The following TMEM39B variants were observed in gnomAD, a reference collection of about 807,000 sequenced individuals.
TMEM39B encodes the protein transmembrane protein 39B.
TMEM39B carries 23 observed loss-of-function variants against 52.2 expected under a neutral mutation model. The observed-to-expected ratio is 0.44, with a 90% confidence interval of 0.32 to 0.62. The LOEUF (loss-of-function observed/expected upper bound fraction) is 0.62, where lower values mean the gene tolerates loss of function less well. Ranked by LOEUF, TMEM39B falls within the 20% of genes least tolerant of loss-of-function variation. TMEM39B has a pLI of 0.06. For synonymous variants in TMEM39B, 285 were observed against 264.0 expected (o/e 1.08, Z -0.77); for missense variants, 547 against 642.0 (o/e 0.85, Z 1.60).
chr1:32,076,898 T>C (rs1639885959), intron 4 of TMEM39B, 52 bp downstream of exon 4: 1 of 1,585,398 alleles, frequency 6.3e-7, no homozygotes. Flanking sequence ...CCTTTTCCCC[T>C]GGGGATGCCA....
intron 1 of TMEM39B, 42 bp downstream of exon 1, chr1:32,073,093 G>T: frequency 6.9e-7 from 1 of 1,443,110 alleles, no homozygotes. Flanking sequence ...ACGAGCGGGC[G>T]CACGGGTTAG....
At chr1:32,074,195 C>T (rs1428951249) in intron 1 of TMEM39B, among the ~76,000 whole-genome samples, 2 of 152,156 alleles carry the variant, frequency 1.3e-5, no homozygotes, top group African/African-American at 2.4e-5. Context: ...ATCCTTGACC[C>T]TTTATTTAGG....
Position 32,075,652 on chromosome 1 carries a change from G to A in TMEM39B, c.181G>A (p.Val61Ile). The change falls in exon 3 of 9, where the codon GTT (valine) becomes ATT (isoleucine). Residue 61 changes from valine (V) to isoleucine (I), a missense_variant. Val to Ile is a conservative substitution (Grantham distance 29, BLOSUM62 3). Coordinates refer to ENST00000336294, the MANE Select transcript of TMEM39B (RefSeq NM_018056.4). ...LSSPPLATQTVVPLQHCKIPE... is the reference protein window; with the variant it reads ...LSSPPLATQTIVPLQHCKIPE... ...CAGCCCTCCTCTGGCCACCCAAACT[G>A]TTGTGCCTCTACAGCACTGCAAGAT... The A allele has an allele frequency of 1.9e-6, 3 of 1,551,738 alleles. No individual in the cohort carries two copies. The highest frequency in any genetic ancestry group is 2.6e-6 in the Non-Finnish European group (3 of 1,147,028).
At chr1:32,083,059 C>A (rs758893401) in intron 5 of TMEM39B, among the ~76,000 whole-genome samples, 3 of 151,302 alleles carry the variant, frequency 2.0e-5, no homozygotes, top group Non-Finnish European at 4.4e-5. Context: ...CAAGCGTGAG[C>A]CACCGCGCCC....
Position 32,077,166 on chromosome 1 carries a change from C to A in TMEM39B, c.438C>A (p.Ala146=). The change falls in exon 5 of 9, where the codon GCC becomes GCA. Residue 146 remains alanine (A), a splice_region_variant and synonymous_variant. Transcript: ENST00000336294. The part of the protein sequence containing the change: ...RRFIGSIVKE[A]SQRGKVSLFR... ...CGTCCTATCTTGCCCCGACCCAGGC[C>A]TCTCAGAGGGGGAAGGTCTCCCTCT... 6.2e-7 allele frequency: 1 copy of A among 1,614,160 alleles called. No individual in the cohort carries two copies. The highest frequency in any genetic ancestry group is 8.5e-7 in the Non-Finnish European group (1 of 1,180,014).
intron 7 of TMEM39B, among the ~76,000 whole-genome samples, chr1:32,097,319 G>A (rs1265598110): frequency 1.3e-5 from 2 of 150,204 alleles, no homozygotes; most frequent in African/African-American, 4.9e-5. Context: ...AAATGAAATC[G>A]TGTCCAACTT....
At chr1:32,073,675 A>C in intron 1 of TMEM39B, 22 of 985,626 alleles carry the variant, frequency 2.2e-5, no homozygotes, top group Non-Finnish European at 2.3e-5. Context: ...ATAACAGCGT[A>C]TGAACAGAGC....
intron 7 of TMEM39B, among the ~76,000 whole-genome samples, chr1:32,097,677 C>A (rs906087287): frequency 5.3e-5 from 8 of 151,398 alleles, no homozygotes; most frequent in Non-Finnish European, 7.4e-5. Flanking sequence ...TGGAGTCTCG[C>A]TCTGTCGCCC....
chr1:32,072,190 A>G (rs943393587), upstream of TMEM39B: 1 of 152,260 alleles, frequency 6.6e-6, no homozygotes, highest in Non-Finnish European at 1.5e-5. Context: ...CAATGGAGCT[A>G]CAAGATGACT....
At chr1:32,082,435 G>A (rs886149467) in intron 5 of TMEM39B, among the ~76,000 whole-genome samples, 3 of 151,892 alleles carry the variant, frequency 2.0e-5, no homozygotes, top group African/African-American at 7.2e-5. Flanking sequence ...TACAGTCTTG[G>A]ACCTCTTTAT....
chr1:32,080,190 C>T (rs1253648777), intron 5 of TMEM39B, among the ~76,000 whole-genome samples: 1 of 152,056 alleles, frequency 6.6e-6, no homozygotes, highest in Non-Finnish European at 1.5e-5. Flanking sequence ...GCCTGGCCTA[C>T]TGGCAAACTT....
chr1:32,100,484 G>A lies in TMEM39B; in HGVS notation c.1158G>A (p.Lys386=), dbSNP rs1486848261. Residue 386 remains lysine (K), a synonymous_variant, in exon 8 of 9, where the codon AAG becomes AAA. Transcript: ENST00000336294. ...TGTGGCCGCAGGGCGTGCTGGTGAA[G>A]CACAGCAAGAACGTCTACAAAGCCG... ...ECMWPQGVLV[K]HSKNVYKAVG... is the part of the protein sequence containing the mutation. 6.2e-7 allele frequency: 1 copy of A among 1,612,104 alleles called. No homozygotes were observed. Among genetic ancestry groups the A allele is most frequent in the Non-Finnish European group, 8.5e-7 (1 of 1,178,962 alleles).
At chr1:32,087,991 T>C (rs918257134) in intron 5 of TMEM39B, among the ~76,000 whole-genome samples, 2 of 148,934 alleles carry the variant, frequency 1.3e-5, no homozygotes, top group African/African-American at 2.5e-5. Flanking sequence ...GTGACTCTGG[T>C]GGCGGGCGCC....
intron 5 of TMEM39B, among the ~76,000 whole-genome samples, chr1:32,083,784 G>C (rs556895873): frequency 6.6e-6 from 1 of 151,958 alleles, no homozygotes; most frequent in South Asian, 2.1e-4. Flanking sequence ...TATAAGAATC[G>C]CTTGAACCCA....
In TMEM39B at chr1:32,073,845, A is replaced by G. The variant is rs956531390; in HGVS notation, c.4+794A>G. 1.7e-5 allele frequency: 17 copies of G among 985,246 alleles called. No individual in the cohort carries two copies. In the East Asian group the frequency reaches 6.8e-4, roughly 39 times the overall value. The allele number at this position is 985,246 out of a possible 1,614,324, so 61.0% of individuals were successfully genotyped here. ...ATGCTACGGCGTGGGGTGTATGTGA[A>G]TGGAGGCTGCTGTGTTACTGTGAAG... On this transcript the variant is annotated intron_variant, in intron 1 of 8. Coordinates refer to ENST00000336294, the MANE Select transcript of TMEM39B (RefSeq NM_018056.4).
chr1:32,088,674 TA>T (rs1640479690), intron 5 of TMEM39B, among the ~76,000 whole-genome samples: 1 of 151,894 alleles, frequency 6.6e-6, no homozygotes, highest in African/African-American at 2.4e-5. Context: ...AAGCTGCTTC[TA>T]ACTTCTAACC....
At position 32,100,530 on chromosome 1, in the gene TMEM39B, A is replaced by C. The variant is rs745986444; in HGVS notation, c.1204A>C (p.Ile402Leu). 8 of 1,614,040 alleles carry C rather than the reference A, an allele frequency of 5.0e-6. No individual in the cohort carries two copies. The highest frequency in any genetic ancestry group is 6.8e-6 in the Non-Finnish European group (8 of 1,180,014). ...YKAVGHYNVAIPSDVSHFRFH... is the reference protein window; with the variant it reads ...YKAVGHYNVALPSDVSHFRFH... Reference sequence around the variant, plus strand: ...AGCCGTAGGCCACTACAACGTGGCTATCCCCTCTGACGTCTCCCACTTCCG... The same window carrying C: ...AGCCGTAGGCCACTACAACGTGGCTCTCCCCTCTGACGTCTCCCACTTCCG... The change falls in exon 8 of 9, where the codon ATC becomes CTC. Residue 402 changes from isoleucine to leucine, a missense_variant. Physicochemically the swap from Ile to Leu is conservative, Grantham distance 5 (BLOSUM62 2). Transcript: ENST00000336294.
Position 32,091,705 on chromosome 1 carries a change from GA to G in TMEM39B, c.623del (p.Asn208IlefsTer33). 1.9e-6 allele frequency: 3 copies of G among 1,610,916 alleles called. No individual in the cohort carries two copies. Among genetic ancestry groups the G allele is most frequent in the Non-Finnish European group, 2.5e-6 (3 of 1,177,804 alleles). ...FGMYIPFLQLNCDLRKTSLFN... is the reference protein window; with the variant it reads ...FGMYIPFLQLXCDLRKTSLFN... The stretch of plus-strand genomic sequence containing the variant: ...GGATGTACATTCCGTTCCTGCAGCT[GA>G]ATTGCGACCTCCGCAAGACAAGCCT... On this transcript the variant is annotated frameshift_variant, in exon 6 of 9. Transcript: ENST00000336294. LOFTEE classifies it high-confidence loss of function.
intron 1 of TMEM39B, chr1:32,073,382 G>T: frequency 2.2e-6 from 1 of 454,348 alleles, no homozygotes; most frequent in Admixed American, 4.6e-5. Flanking sequence ...CTGGGCAGGG[G>T]GCGCTAGTGC....
Sources: gnomAD v4.1 joint callset for allele counts (sites outside exome capture counted in the v4.1 genomes callset) on GRCh38, gnomAD v4.1.1 for gene constraint, MANE v1.5 for transcripts, NCBI Gene and HGNC (gene_info 2026-07-23, HGNC 2026-07-21) for gene names.